Variants in KHDC1 observed in about 807,000 individuals in gnomAD.
KHDC1 encodes KH domain containing 1.
Under a neutral mutation model 24.7 loss-of-function variants are expected in KHDC1, and 21 were observed. The ratio of observed to expected loss-of-function variants is 0.85; its 90% confidence interval spans 0.60 to 1.23. The LOEUF (loss-of-function observed/expected upper bound fraction) is 1.23. Ranked by LOEUF, KHDC1 falls within the 50% of genes most tolerant of loss-of-function variation. The probability of loss-of-function intolerance (pLI) is 0.00; values close to 1 mark genes in which losing one functional copy is unlikely to be tolerated. For missense variants in KHDC1, 274 were observed against 298.5 expected (o/e 0.92, Z 0.61); for synonymous variants, 98 against 111.7 (o/e 0.88, Z 0.77).
chr6:73,275,331 CAA>C (rs1337915505), intron 2 of KHDC1: 1 of 154,432 alleles, frequency 6.5e-6, no homozygotes, highest in Non-Finnish European at 1.5e-5. Flanking sequence ...GCCTGGGCAA[CAA>C]GAGCGAAACT....
At chr6:73,292,299 T>C in intron 1 of KHDC1, 1 of 1,097,784 alleles carries the variant, frequency 9.1e-7, no homozygotes, top group Non-Finnish European at 1.4e-6. Context: ...GGTAGGATGC[T>C]CTTTGACTAC....
intron 2 of KHDC1, among the ~76,000 whole-genome samples, chr6:73,243,172 G>T (rs1045015005): frequency 2.7e-5 from 4 of 150,068 alleles, no homozygotes; most frequent in African/African-American, 1.0e-4. Context: ...CTTCATTGTG[G>T]AATGTTCTCT....
At chr6:73,282,216 TA>T (rs34726760) in intron 2 of KHDC1, among the ~76,000 whole-genome samples, 19,944 of 96,672 alleles carry the variant, frequency 0.21, 2,377 homozygotes, top group African/African-American at 0.36. Flanking sequence ...AGACTCTGTC[TA>T]AAAAAAAAAA....
Position 73,255,159 on chromosome 6 carries a change from GA to G in KHDC1, c.207-12630del, listed in dbSNP as rs575829849. On this transcript the variant is annotated intron_variant, in intron 2 of 4. Coordinates refer to ENST00000370384, the Ensembl canonical transcript of KHDC1. The stretch of plus-strand genomic sequence containing the variant: ...AAAAAACAAAATTTTAAATTCAAAT[GA>G]AAATGACTTAGCTGAATTTTTTTCA... Among the ~76,000 whole-genome samples the G allele has an allele frequency of 2.3e-3, 333 of 141,716 alleles. 1 individual carries two copies. The highest frequency in any genetic ancestry group is 3.3e-3 in the Non-Finnish European group (214 of 64,964). 93.0% of individuals were successfully genotyped at this position (141,716 alleles called of 152,430 possible).
At chr6:73,307,306 T>C (rs1404954604) in intron 1 of KHDC1, among the ~76,000 whole-genome samples, 1 of 151,786 alleles carries the variant, frequency 6.6e-6, no homozygotes, top group Non-Finnish European at 1.5e-5. Context: ...CGGGCGCCTG[T>C]AATCCCAGCT....
At chr6:73,256,479 C>A (rs1422107697) in intron 2 of KHDC1, among the ~76,000 whole-genome samples, 1 of 152,190 alleles carries the variant, frequency 6.6e-6, no homozygotes, top group African/African-American at 2.4e-5. Context: ...ATAAGCCAGT[C>A]AGGGAGTCTG....
At position 73,269,146 on chromosome 6, in the gene KHDC1, A is replaced by C. The variant is rs1268619217; in HGVS notation, c.206+22852T>G. The C allele has an allele frequency of 2.0e-5, 3 of 153,414 alleles. No homozygotes were observed. In the Admixed American group the frequency reaches 2.0e-4, roughly 10 times the overall value. The allele number at this position is 153,414 out of a possible 1,614,324, so 9.5% of individuals were successfully genotyped here. A position where few individuals can be genotyped will look rare whatever the true frequency, so the allele number is the denominator to read the frequency against. ...AAGCCCCTCATTGCCCGGGGCCAGCAGGGCCGGCCGGCTGCTCCGAGTATG... is the reference window on the plus strand; with the variant it reads ...AAGCCCCTCATTGCCCGGGGCCAGCCGGGCCGGCCGGCTGCTCCGAGTATG... On this transcript the variant is annotated intron_variant, in intron 2 of 4. Transcript: ENST00000370384.
intron 2 of KHDC1, among the ~76,000 whole-genome samples, chr6:73,249,752 T>G (rs1252776631): frequency 6.6e-6 from 1 of 151,620 alleles, no homozygotes; most frequent in Non-Finnish European, 1.5e-5. Context: ...GTTTTTATTA[T>G]TTTGTTTTGT....
chr6:73,287,171 T>G (rs1395189379), intron 2 of KHDC1, among the ~76,000 whole-genome samples: 1 of 152,190 alleles, frequency 6.6e-6, no homozygotes, highest in Admixed American at 6.5e-5. Flanking sequence ...CTAGTGAGAA[T>G]GTCACCAACA....
In KHDC1 at chr6:73,249,431, AG is replaced by A. The variant is rs199598307; in HGVS notation, c.207-6902del. On this transcript the variant is annotated intron_variant, in intron 2 of 4. Coordinates refer to ENST00000370384, the Ensembl canonical transcript of KHDC1. ...TAATTATGAAAATAATATTATCCAA[AG>A]TACCACATAGGACCACAAATACAGA... Among the ~76,000 whole-genome samples, 1,139 of 152,368 alleles carry A rather than the reference AG, an allele frequency of 7.5e-3. 21 individuals are homozygous for A. Among genetic ancestry groups the A allele is most frequent in the African/African-American group, 0.026 (1,088 of 41,586 alleles).
intron 2 of KHDC1, among the ~76,000 whole-genome samples, chr6:73,254,033 T>C (rs376160095): frequency 1.1e-4 from 17 of 152,074 alleles, no homozygotes; most frequent in African/African-American, 2.2e-4. Flanking sequence ...AATCACACCT[T>C]AGGAACATCA....
Position 73,292,649 on chromosome 6 carries a change from AT to A in KHDC1, c.164-610del. On this transcript the variant is annotated intron_variant, in intron 1 of 4. Transcript: ENST00000370384. ...TTCAATCACCCCAAAGGTTGTGATAATATTGTTGATCTCTTCCTTTACCAGC... is the reference window on the plus strand; with the variant it reads ...TTCAATCACCCCAAAGGTTGTGATAAATTGTTGATCTCTTCCTTTACCAGC... 5.3e-6 allele frequency: 4 copies of A among 755,558 alleles called. No individual in the cohort carries two copies. The South Asian group carries it at 5.5e-5, about 10-fold the overall frequency. 46.8% of individuals were successfully genotyped at this position (755,558 alleles called of 1,614,324 possible). A position where few individuals can be genotyped will look rare whatever the true frequency, so the allele number is the denominator to read the frequency against.
intron 2 of KHDC1, among the ~76,000 whole-genome samples, chr6:73,252,337 C>A (rs1230171859): frequency 6.6e-6 from 1 of 152,140 alleles, no homozygotes; most frequent in Non-Finnish European, 1.5e-5. Context: ...AGCCACTGTG[C>A]CTGGCCCTAA....
intron 2 of KHDC1, among the ~76,000 whole-genome samples, chr6:73,251,938 A>G (rs1295767813): frequency 6.6e-6 from 1 of 151,166 alleles, no homozygotes; most frequent in African/African-American, 2.4e-5. Flanking sequence ...GCCCAGGCTG[A>G]TCTTGAACTC....
At chr6:73,297,528 G>A (rs565723147) in intron 1 of KHDC1, among the ~76,000 whole-genome samples, 4 of 152,156 alleles carry the variant, frequency 2.6e-5, no homozygotes, top group East Asian at 1.9e-4. Context: ...AATTCCAAAC[G>A]TAGATTTGCT....
intron 2 of KHDC1, among the ~76,000 whole-genome samples, chr6:73,249,460 CA>C (rs1246714334): frequency 6.6e-6 from 1 of 152,148 alleles, no homozygotes; most frequent in African/African-American, 2.4e-5. Flanking sequence ...AATACAGAGT[CA>C]GAGATAGTGT....
intron 2 of KHDC1, among the ~76,000 whole-genome samples, chr6:73,245,789 C>T (rs1014546164): frequency 4.6e-5 from 7 of 152,190 alleles, no homozygotes; most frequent in African/African-American, 1.4e-4. Context: ...CTGAAGAATA[C>T]GTTGGAATTC....
rs919096237 is a variant in KHDC1, at chr6:73,261,089, T to C, written c.207-18559A>G. Among the ~76,000 whole-genome samples, 2 of 152,186 alleles carry C rather than the reference T, an allele frequency of 1.3e-5. 1 individual carries two copies. The highest frequency in any genetic ancestry group is 4.1e-4 in the South Asian group (2 of 4,832). On this transcript the variant is annotated intron_variant, in intron 2 of 4. Coordinates refer to ENST00000370384, the Ensembl canonical transcript of KHDC1. ...ACCTCTCTTGTCTACTCCTACTCAG[T>C]AGCATCAAATCCAGTTGATTCAAGT...
At chr6:73,260,520 A>G (rs1766961805) in intron 2 of KHDC1, among the ~76,000 whole-genome samples, 2 of 152,218 alleles carry the variant, frequency 1.3e-5, no homozygotes, top group Non-Finnish European at 2.9e-5. Flanking sequence ...AATATTTTGC[A>G]TACCTCTTTT....
Sources: gnomAD v4.1 joint callset for allele counts (sites outside exome capture counted in the v4.1 genomes callset) on GRCh38, gnomAD v4.1.1 for gene constraint, MANE v1.5 for transcripts, NCBI Gene and HGNC (gene_info 2026-07-23, HGNC 2026-07-21) for gene names.